AGAP1: variants seen among roughly 807,000 people sequenced by gnomAD.
The protein encoded by AGAP1 is arf-GAP with GTPase, ANK repeat and PH domain-containing protein 1.
In AGAP1, 29 loss-of-function variants were observed where a neutral mutation model predicts 105.3. That is an observed-to-expected ratio of 0.28 (90% CI 0.21 to 0.38). The LOEUF is 0.38. Among genes scored for constraint, AGAP1 ranks in the 10% least tolerant of loss-of-function variants. The pLI is 1.00. For missense variants in AGAP1, 998 were observed against 1,165.1 expected (o/e 0.86, Z 2.09); for synonymous variants, 509 against 485.9 (o/e 1.05, Z -0.63).
intron 16 of AGAP1, among the ~76,000 whole-genome samples, chr2:236,107,135 C>T (rs879569638): frequency 1.4e-4 from 18 of 130,284 alleles, no homozygotes; most frequent in Non-Finnish European, 2.6e-4. Flanking sequence ...CCAGCGGATT[C>T]TCCTGCGGAA....
At chr2:236,013,232 C>T (rs371604001) in intron 13 of AGAP1, among the ~76,000 whole-genome samples, 11 of 152,164 alleles carry the variant, frequency 7.2e-5, no homozygotes, top group Admixed American at 2.6e-4. Flanking sequence ...AGGTTTCTCG[C>T]GTATGTTTTG....
chr2:235,960,114 C>T lies in AGAP1; in HGVS notation c.1484-8348C>T, dbSNP rs1559696892. Among the ~76,000 whole-genome samples the T allele has an allele frequency of 6.6e-6, 1 of 152,118 alleles. No homozygotes were observed. Among genetic ancestry groups the T allele is most frequent in the Non-Finnish European group, 1.5e-5 (1 of 68,006 alleles). On this transcript the variant is annotated intron_variant, in intron 12 of 17. Coordinates refer to ENST00000304032, the MANE Select transcript of AGAP1 (RefSeq NM_001037131.3). The surrounding 1 kb of genome is among the most constrained non-coding windows in gnomAD (Gnocchi z 4.9). ...TCAACTCCATGCCTCCAAATGGGGG[C>T]GGGGAGGGTGCTTGCGGACCCACCC...
chr2:235,670,213 G>A lies in AGAP1; in HGVS notation c.164-38966G>A, dbSNP rs552403267. 714 of 574,160 alleles carry A rather than the reference G, an allele frequency of 1.2e-3. 8 individuals are homozygous for A. The highest frequency in any genetic ancestry group is 8.4e-3 in the African/African-American group (429 of 51,260). 35.6% of individuals were successfully genotyped at this position (574,160 alleles called of 1,614,324 possible). On this transcript the variant is annotated intron_variant, in intron 1 of 17. Coordinates refer to ENST00000304032, the MANE Select transcript of AGAP1 (RefSeq NM_001037131.3). ...GCATCTCCGTGACCATGGTCAGGAA[G>A]GAGCAGCTGGCCGCGCCGGGCTCCG...
At chr2:235,579,575 A>G (rs998837062) in intron 1 of AGAP1, among the ~76,000 whole-genome samples, 5 of 152,128 alleles carry the variant, frequency 3.3e-5, no homozygotes, top group African/African-American at 7.2e-5. Flanking sequence ...GGAGATCGAG[A>G]CCATCCTGGC....
intron 1 of AGAP1, among the ~76,000 whole-genome samples, chr2:235,695,271 A>G (rs559452619): frequency 6.6e-6 from 1 of 152,322 alleles, no homozygotes; most frequent in Admixed American, 6.5e-5. Flanking sequence ...GAAAGGAACT[A>G]CTTCTTTCCA....
chr2:236,060,861 A>G (rs1377498085), intron 16 of AGAP1, among the ~76,000 whole-genome samples: 1 of 152,196 alleles, frequency 6.6e-6, no homozygotes, highest in African/African-American at 2.4e-5. Context: ...CAGCATCTCA[A>G]GACCTGCCTG....
At chr2:235,749,188 A>C (rs1378822925) in intron 5 of AGAP1, among the ~76,000 whole-genome samples, 3 of 149,494 alleles carry the variant, frequency 2.0e-5, no homozygotes, top group Non-Finnish European at 4.4e-5. Context: ...AGCCTGGGCG[A>C]CACAGTGAGA....
In AGAP1 at chr2:235,877,257, T is replaced by C. The variant is rs1466752613; in HGVS notation, c.1051-6088T>C. Among the ~76,000 whole-genome samples, 1 of 152,214 alleles carries C rather than the reference T, an allele frequency of 6.6e-6. No homozygotes were observed. Among genetic ancestry groups the C allele is most frequent in the Non-Finnish European group, 1.5e-5 (1 of 68,042 alleles). On this transcript the variant is annotated intron_variant, in intron 9 of 17. Transcript: ENST00000304032. This position sits in a 1 kb window ranked among gnomAD's most constrained non-coding sequence, Gnocchi z 4.3. ...GAAAACTAAGATTCAGCTCCTTGTC[T>C]TTATAGCTTTTAAATAGATATAAAA...
chr2:236,065,335 G>A lies in AGAP1; in HGVS notation c.2114+16054G>A, dbSNP rs982016495. Reference sequence around the variant, plus strand: ...GTCTTCAGCTCCTCGGGCCCCTATTGTTGCTGCCTGCTTGTGACTCTGCAT... The same window carrying A: ...GTCTTCAGCTCCTCGGGCCCCTATTATTGCTGCCTGCTTGTGACTCTGCAT... On this transcript the variant is annotated intron_variant, in intron 16 of 17. Coordinates refer to ENST00000304032, the MANE Select transcript of AGAP1 (RefSeq NM_001037131.3). Among the ~76,000 whole-genome samples, 104 of 152,174 alleles carry A rather than the reference G, an allele frequency of 6.8e-4. 1 individual carries two copies. Among genetic ancestry groups the A allele is most frequent in the Non-Finnish European group, 7.9e-4 (54 of 68,038 alleles).
rs982459302 is a variant in AGAP1 at position 235,961,806 on chromosome 2, T to A, written c.1484-6656T>A. On this transcript the variant is annotated intron_variant, in intron 12 of 17. Coordinates refer to ENST00000304032, the MANE Select transcript of AGAP1 (RefSeq NM_001037131.3). This position sits in a 1 kb window ranked among gnomAD's most constrained non-coding sequence, Gnocchi z 5.9. ...ATCTCTTGAACCCAGGAGGCAGAGG[T>A]GGCAGTGAGCCGAGATCACGCCACT... is the stretch of plus-strand genomic sequence containing the variant. 6.6e-6 allele frequency among the ~76,000 whole-genome samples: 1 copy of A among 152,044 alleles called. No individual in the cohort carries two copies. The highest frequency in any genetic ancestry group is 2.1e-4 in the South Asian group (1 of 4,818).
chr2:235,967,923 G>C lies in AGAP1; in HGVS notation c.1484-539G>C, dbSNP rs976222819. Among the ~76,000 whole-genome samples the C allele has an allele frequency of 1.3e-5, 2 of 152,148 alleles. No homozygotes were observed. Among genetic ancestry groups the C allele is most frequent in the African/African-American group, 4.8e-5 (2 of 41,442 alleles). On this transcript the variant is annotated intron_variant, in intron 12 of 17. Coordinates refer to ENST00000304032, the MANE Select transcript of AGAP1 (RefSeq NM_001037131.3). This position sits in a 1 kb window ranked among gnomAD's most constrained non-coding sequence, Gnocchi z 4.7. ...ACACTGTCACTGGACATTGGTGAGA[G>C]AGAGAAAAAAATGGCATAGAATTTT...
In AGAP1 at chr2:235,888,705, T is replaced by TA. The variant is rs10681734; in HGVS notation, c.1155+5271dup. Reference sequence around the variant, plus strand: ...GGGCGACCATGCAAGACCCTGTCTTTAAAAAAAAAAAAAAAGTTGATAGAG... The same window carrying TA: ...GGGCGACCATGCAAGACCCTGTCTTTAAAAAAAAAAAAAAAAGTTGATAGAG... On this transcript the variant is annotated intron_variant, in intron 10 of 17. Transcript: ENST00000304032. This position sits in a 1 kb window ranked among gnomAD's most constrained non-coding sequence, Gnocchi z 4.8. 0.027 allele frequency among the ~76,000 whole-genome samples: 3,858 copies of TA among 142,100 alleles called. 149 individuals are homozygous for TA. Among genetic ancestry groups the TA allele is most frequent in the African/African-American group, 0.085 (3,295 of 38,964 alleles). The allele number at this position is 142,100 out of a possible 152,430, so 93.2% of individuals were successfully genotyped here.
chr2:235,686,546 GATAT>G (rs72137817), intron 1 of AGAP1, among the ~76,000 whole-genome samples: 3,034 of 70,198 alleles, frequency 0.043, 170 homozygotes, highest in African/African-American at 0.12. Flanking sequence ...CCAGGAAGGA[GATAT>G]ATATATACAC....
chr2:235,915,067 C>A (rs1446282277), intron 11 of AGAP1, among the ~76,000 whole-genome samples: 3 of 152,266 alleles, frequency 2.0e-5, no homozygotes, highest in South Asian at 2.1e-4. Flanking sequence ...CACAGCCCCC[C>A]ACACGGTAGG....
At chr2:235,529,976 A>G (rs1942986848) in intron 1 of AGAP1, among the ~76,000 whole-genome samples, 1 of 152,154 alleles carries the variant, frequency 6.6e-6, no homozygotes, top group African/African-American at 2.4e-5. Context: ...TTGCCATCTG[A>G]AGCTTCTGTA....
In AGAP1 at chr2:235,867,572, T is replaced by TGTGTGTGTGCGTGC. The variant is rs375110513; in HGVS notation, c.1051-15770_1051-15769insTGTGTGCGTGCGTG. On this transcript the variant is annotated intron_variant, in intron 9 of 17. Transcript: ENST00000304032. This position sits in a 1 kb window ranked among gnomAD's most constrained non-coding sequence, Gnocchi z 5.4. Reference sequence around the variant, plus strand: ...GTGTGTGTGTGTGTGTGTGTGTGTGTGTGCAAGTGAGGGAGGGTGACCCCC... The same window carrying TGTGTGTGTGCGTGC: ...GTGTGTGTGTGTGTGTGTGTGTGTGTGTGTGTGTGCGTGCGTGCAAGTGAGGGAGGGTGACCCCC... 2.0e-5 allele frequency among the ~76,000 whole-genome samples: 3 copies of TGTGTGTGTGCGTGC among 148,370 alleles called. No individual in the cohort carries two copies. Among genetic ancestry groups the TGTGTGTGTGCGTGC allele is most frequent in the Non-Finnish European group, 4.5e-5 (3 of 67,064 alleles).
intron 1 of AGAP1, among the ~76,000 whole-genome samples, chr2:235,647,452 G>A (rs1947430038): frequency 6.6e-6 from 1 of 152,032 alleles, no homozygotes; most frequent in African/African-American, 2.4e-5. Flanking sequence ...CAGTGGTGCA[G>A]TCATAGCTCA....
At chr2:235,910,498 G>A (rs368091248) in intron 11 of AGAP1, among the ~76,000 whole-genome samples, 1 of 152,272 alleles carries the variant, frequency 6.6e-6, no homozygotes, top group Non-Finnish European at 1.5e-5. Context: ...TATTAGAGCG[G>A]TGTGCTAACT....
chr2:235,577,611 A>G lies in AGAP1; in HGVS notation c.163+82762A>G, dbSNP rs1223122749. Among the ~76,000 whole-genome samples the G allele has an allele frequency of 1.3e-5, 2 of 152,130 alleles. No homozygotes were observed. Among genetic ancestry groups the G allele is most frequent in the East Asian group, 1.9e-4 (1 of 5,192 alleles). ...AGCATGGCTGTGTGGCTGCCTGACTACATGGTTCTTCCCCCGGTTATTTTT... is the reference window on the plus strand; with the variant it reads ...AGCATGGCTGTGTGGCTGCCTGACTGCATGGTTCTTCCCCCGGTTATTTTT... On this transcript the variant is annotated intron_variant, in intron 1 of 17. Coordinates refer to ENST00000304032, the MANE Select transcript of AGAP1 (RefSeq NM_001037131.3). The surrounding 1 kb of genome is among the most constrained non-coding windows in gnomAD (Gnocchi z 4.5).
Sources: allele counts gnomAD v4.1 joint callset (sites outside exome capture counted in the v4.1 genomes callset), GRCh38; gene constraint gnomAD v4.1.1; non-coding constraint Gnocchi (gnomAD v3.1); transcripts MANE v1.5; gene names NCBI Gene and HGNC (gene_info 2026-07-23, HGNC 2026-07-21).